Variants in LRRC37A2 observed in about 807,000 individuals in gnomAD.
LRRC37A2 encodes the protein leucine-rich repeat-containing protein 37A2.
A neutral mutation model predicts 68.8 loss-of-function variants in LRRC37A2; 9 were observed. The observed-to-expected ratio is 0.13, with a 90% CI of 0.08 to 0.23. The LOEUF is 0.23. Ranked by LOEUF, LRRC37A2 falls within the 10% of genes least tolerant of loss-of-function variation. The pLI is 1.00. For synonymous variants in LRRC37A2, 63 were observed against 367.6 expected (o/e 0.17, Z 9.48); for missense variants, 168 against 950.4 (o/e 0.18, Z 10.82).
At chr17:46,708,580 C>T in the LRRC37A2 span, among the ~76,000 whole-genome samples, 3 of 148,658 alleles carry the variant, frequency 2.0e-5, no homozygotes, top group South Asian at 2.1e-4. Flanking sequence ...CAACCTCTGC[C>T]TCCCAGGTTT....
the LRRC37A2 span, among the ~76,000 whole-genome samples, chr17:46,826,607 T>C: frequency 1.3e-5 from 2 of 152,194 alleles, no homozygotes; most frequent in Non-Finnish European, 2.9e-5. Context: ...CTGAGCATAT[T>C]ATCTAACCTC....
At chr17:46,835,502 C>T in the LRRC37A2 span, among the ~76,000 whole-genome samples, 5 of 152,196 alleles carry the variant, frequency 3.3e-5, no homozygotes, top group African/African-American at 7.2e-5. Context: ...TGAGCCACCA[C>T]GCCCAGCCCA....
the LRRC37A2 span, among the ~76,000 whole-genome samples, chr17:46,666,058 C>T: frequency 2.0e-5 from 3 of 149,904 alleles, no homozygotes; most frequent in African/African-American, 4.9e-5. Flanking sequence ...TGTGTGCTCC[C>T]CAAGAAAGGG....
the LRRC37A2 span, among the ~76,000 whole-genome samples, chr17:46,770,686 C>A: frequency 6.6e-6 from 1 of 152,192 alleles, no homozygotes; most frequent in African/African-American, 2.4e-5. Flanking sequence ...CCTGCCCTCA[C>A]GCCCAGGCAC....
At chr17:46,791,006 T>C in the LRRC37A2 span, among the ~76,000 whole-genome samples, 1 of 152,232 alleles carries the variant, frequency 6.6e-6, no homozygotes, top group African/African-American at 2.4e-5. Flanking sequence ...TTTTCCCTTC[T>C]TCCTGGTTTC....
chr17:46,915,208 C>T, the LRRC37A2 span, among the ~76,000 whole-genome samples: 3 of 152,294 alleles, frequency 2.0e-5, no homozygotes, highest in South Asian at 2.1e-4. Flanking sequence ...ACAGAGGGTA[C>T]GATATGGCTT....
At chr17:46,972,608 A>G in the LRRC37A2 span, among the ~76,000 whole-genome samples, 1 of 152,240 alleles carries the variant, frequency 6.6e-6, no homozygotes, top group Non-Finnish European at 1.5e-5. Context: ...ATTGCTGTCA[A>G]CATACAGGTT....
the LRRC37A2 span, among the ~76,000 whole-genome samples, chr17:46,892,990 G>A: frequency 6.6e-6 from 1 of 151,664 alleles, no homozygotes; most frequent in African/African-American, 2.4e-5. Context: ...AGGCTGGAGT[G>A]CATGGTGCGA....
chr17:47,033,305 T>C, the LRRC37A2 span: 2 of 695,504 alleles, frequency 2.9e-6, no homozygotes, highest in Admixed American at 4.1e-5. Context: ...ATTTTGCCCC[T>C]GAAAAAGCAT....
At chr17:46,853,942 G>A in the LRRC37A2 span, among the ~76,000 whole-genome samples, 1 of 152,092 alleles carries the variant, frequency 6.6e-6, no homozygotes, top group Non-Finnish European at 1.5e-5. Flanking sequence ...AATTTTGAGG[G>A]AACTGAGCAT....
At chr17:46,866,789 C>T in the LRRC37A2 span, among the ~76,000 whole-genome samples, 1 of 152,258 alleles carries the variant, frequency 6.6e-6, no homozygotes, top group South Asian at 2.1e-4. Flanking sequence ...TCCTGTGCCA[C>T]CCACCCACCA....
At chr17:46,978,546 C>T in the LRRC37A2 span, 53 of 1,440,334 alleles carry the variant, frequency 3.7e-5, 1 homozygote, top group Admixed American at 6.3e-4. Context: ...CGTAGCTGCC[C>T]GCCCGGAGGC....
chr17:47,030,014 G>T, the LRRC37A2 span, among the ~76,000 whole-genome samples: 1 of 150,692 alleles, frequency 6.6e-6, no homozygotes, highest in African/African-American at 2.4e-5. Context: ...AGTGAGCCGA[G>T]ATGGCACCAT....
chr17:46,787,840 C>T, the LRRC37A2 span, among the ~76,000 whole-genome samples: 1 of 151,898 alleles, frequency 6.6e-6, no homozygotes. Context: ...CCTGTAATCA[C>T]AGCTACCCTG....
At chr17:46,783,690 T>C in the LRRC37A2 span, among the ~76,000 whole-genome samples, 1,973 of 152,240 alleles carry the variant, frequency 0.013, 44 homozygotes, top group African/African-American at 0.046. Context: ...TCACTGCCTC[T>C]GGAGGGCTCC....
the LRRC37A2 span, among the ~76,000 whole-genome samples, chr17:46,913,915 A>G: frequency 6.6e-6 from 1 of 152,106 alleles, no homozygotes; most frequent in East Asian, 1.9e-4. Context: ...ATGTGCCACC[A>G]TGCCCGGCTA....
the LRRC37A2 span, chr17:46,711,234 T>C: frequency 9.9e-7 from 1 of 1,008,996 alleles, no homozygotes; most frequent in Non-Finnish European, 1.4e-6. Flanking sequence ...AACCTTGTTC[T>C]TGATCTGAAA....
the LRRC37A2 span, among the ~76,000 whole-genome samples, chr17:47,012,076 T>C: frequency 6.6e-6 from 1 of 152,204 alleles, no homozygotes; most frequent in African/African-American, 2.4e-5. Flanking sequence ...CCGATGATGA[T>C]TCTTGCTGAA....
At chr17:46,954,406 G>A in the LRRC37A2 span, among the ~76,000 whole-genome samples, 1 of 152,116 alleles carries the variant, frequency 6.6e-6, no homozygotes, top group Non-Finnish European at 1.5e-5. Flanking sequence ...TCTCTGTGTT[G>A]GTACCAGTAC....
Sources: gnomAD v4.1 joint callset for allele counts (sites outside exome capture counted in the v4.1 genomes callset) on GRCh38, gnomAD v4.1.1 for gene constraint, MANE v1.5 for transcripts, NCBI Gene and HGNC (gene_info 2026-07-23, HGNC 2026-07-21) for gene names.